The following KCNN2 variants were observed in gnomAD, a reference collection of about 807,000 sequenced individuals.
The protein encoded by KCNN2 is small conductance calcium-activated potassium channel protein 2.
A neutral mutation model predicts 55.5 loss-of-function variants in KCNN2; 24 were observed. The ratio of observed to expected loss-of-function variants is 0.43; its 90% CI spans 0.31 to 0.61. KCNN2 has a LOEUF of 0.61. Among genes scored for constraint, KCNN2 ranks in the 20% least tolerant of loss-of-function variants. The pLI is 0.08. For missense variants in KCNN2, 754 were observed against 853.6 expected, an observed-to-expected ratio of 0.88 and a Z score of 1.45; for synonymous variants, 431 against 336.1, an observed-to-expected ratio of 1.28 and a Z score of -3.09.
chr5:114,302,277 T>C (rs1457755), intron 2 of KCNN2, among the ~76,000 whole-genome samples: 81,325 of 152,050 alleles, frequency 0.53, 22,140 homozygotes, highest in Non-Finnish European at 0.57. Flanking sequence ...TCCTTGGGGA[T>C]TGAGGTCTTG....
intron 1 of KCNN2, among the ~76,000 whole-genome samples, chr5:114,120,481 A>G (rs1262860681): frequency 6.6e-6 from 1 of 152,178 alleles, no homozygotes; most frequent in Non-Finnish European, 1.5e-5. Context: ...TGGAGTGTTC[A>G]ACTAAGCTAA....
intron 3 of KCNN2, among the ~76,000 whole-genome samples, chr5:114,451,632 C>T (rs1333371024): frequency 6.6e-6 from 1 of 152,102 alleles, no homozygotes; most frequent in East Asian, 1.9e-4. Context: ...GGCGGTGGCT[C>T]AAGCCTGTAA....
chr5:114,177,287 G>A (rs781042922), intron 1 of KCNN2, among the ~76,000 whole-genome samples: 1 of 151,878 alleles, frequency 6.6e-6, no homozygotes, highest in East Asian at 1.9e-4. Context: ...ACAGGAGCCC[G>A]CCACCGCGCC....
intron 3 of KCNN2, among the ~76,000 whole-genome samples, chr5:114,432,674 G>T (rs1759835547): frequency 6.6e-6 from 1 of 152,190 alleles, no homozygotes; most frequent in Non-Finnish European, 1.5e-5. Context: ...TTGCAGGGAG[G>T]TGTAGAGGGA....
At chr5:114,479,908 A>G (rs190174403) in intron 5 of KCNN2, among the ~76,000 whole-genome samples, 1 of 152,316 alleles carries the variant, frequency 6.6e-6, no homozygotes, top group Admixed American at 6.5e-5. Flanking sequence ...TTATAGCACT[A>G]AATCCCCACA....
At chr5:114,423,416 C>A (rs770066406) in intron 3 of KCNN2, among the ~76,000 whole-genome samples, 1 of 152,090 alleles carries the variant, frequency 6.6e-6, no homozygotes, top group Non-Finnish European at 1.5e-5. Context: ...CAAAAGCTAA[C>A]TTCTCCAGGG....
chr5:114,131,422 T>C (rs139858159), intron 1 of KCNN2, among the ~76,000 whole-genome samples: 2 of 152,326 alleles, frequency 1.3e-5, no homozygotes, highest in East Asian at 3.9e-4. Flanking sequence ...GGATAATGAC[T>C]TCCAGCTCCT....
chr5:114,234,249 A>G (rs1050674420), intron 2 of KCNN2, among the ~76,000 whole-genome samples: 5 of 152,136 alleles, frequency 3.3e-5, no homozygotes, highest in Non-Finnish European at 1.5e-5. Flanking sequence ...AATGTTTTTC[A>G]TAAGTCATAT....
At chr5:114,257,702 A>G (rs992855281) in intron 2 of KCNN2, among the ~76,000 whole-genome samples, 7 of 152,158 alleles carry the variant, frequency 4.6e-5, no homozygotes, top group South Asian at 2.1e-4. Flanking sequence ...TTGATTTCAT[A>G]TCTTGAAACT....
chr5:114,316,021 G>A (rs1334098598), intron 2 of KCNN2, among the ~76,000 whole-genome samples: 1 of 152,144 alleles, frequency 6.6e-6, no homozygotes, highest in Non-Finnish European at 1.5e-5. Context: ...ACCTCAAATT[G>A]AGAGACTATC....
At chr5:114,220,550 A>T (rs1312286484) in intron 1 of KCNN2, among the ~76,000 whole-genome samples, 3 of 152,246 alleles carry the variant, frequency 2.0e-5, no homozygotes, top group Admixed American at 1.3e-4. Context: ...ATGTTTTTTA[A>T]AAAAAGAGAA....
chr5:114,237,897 G>T (rs1429789621), intron 2 of KCNN2, among the ~76,000 whole-genome samples: 3 of 152,140 alleles, frequency 2.0e-5, no homozygotes, highest in African/African-American at 7.2e-5. Context: ...CTCTTGCCCC[G>T]TGGCCTTTTA....
intron 1 of KCNN2, among the ~76,000 whole-genome samples, chr5:114,148,205 A>T (rs1421203550): frequency 6.6e-6 from 1 of 152,090 alleles, no homozygotes. Context: ...AGTAGTCCTT[A>T]AGGTCAATGA....
intron 2 of KCNN2, among the ~76,000 whole-genome samples, chr5:114,275,735 T>G (rs1247703974): frequency 6.6e-6 from 1 of 152,180 alleles, no homozygotes; most frequent in Non-Finnish European, 1.5e-5. Context: ...TCTTCTTTAT[T>G]AGTCTTCCTA....
intron 2 of KCNN2, among the ~76,000 whole-genome samples, chr5:114,331,738 A>C (rs573034139): frequency 1.2e-4 from 19 of 152,344 alleles, no homozygotes; most frequent in African/African-American, 4.6e-4. Flanking sequence ...TGGTTAACTT[A>C]TTTCAAATTA....
chr5:114,261,524 G>T (rs115623389), intron 2 of KCNN2, among the ~76,000 whole-genome samples: 4,571 of 152,244 alleles, frequency 0.03, 238 homozygotes, highest in African/African-American at 0.1. Flanking sequence ...GTCCAAAAAG[G>T]CAGAGGGCCA....
chr5:114,165,537 T>TCAC (rs1752891237), intron 1 of KCNN2, among the ~76,000 whole-genome samples: 1 of 152,112 alleles, frequency 6.6e-6, no homozygotes, highest in African/African-American at 2.4e-5. Context: ...CTTTACTTAG[T>TCAC]TTATTGATTA....
intron 2 of KCNN2, among the ~76,000 whole-genome samples, chr5:114,335,647 G>A (rs1012003881): frequency 6.6e-6 from 1 of 152,098 alleles, no homozygotes; most frequent in Non-Finnish European, 1.5e-5. Context: ...GAGAGATTTG[G>A]GCTGGTTTTC....
intron 1 of KCNN2, among the ~76,000 whole-genome samples, chr5:114,058,366 G>A (rs1750254502): frequency 6.6e-6 from 1 of 152,178 alleles, no homozygotes. Context: ...GAGAAACAGA[G>A]GCACCATATG....
Sources: allele counts gnomAD v4.1 joint callset (sites outside exome capture counted in the v4.1 genomes callset), GRCh38; gene constraint gnomAD v4.1.1; transcripts MANE v1.5; gene names NCBI Gene and HGNC (gene_info 2026-07-23, HGNC 2026-07-21).